STK38L: variants seen among roughly 807,000 people sequenced by gnomAD.
STK38L encodes serine/threonine kinase 38 like.
STK38L carries 28 observed loss-of-function variants against 59.7 expected under a neutral mutation model. That is an observed-to-expected ratio of 0.47 (90% confidence interval 0.35 to 0.64). The LOEUF (loss-of-function observed/expected upper bound fraction) is 0.64. Ranked by LOEUF, STK38L falls within the 30% of genes least tolerant of loss-of-function variation. The pLI, the probability that STK38L is intolerant of heterozygous loss-of-function variation, is 0.01. For missense variants in STK38L, 314 were observed against 555.8 expected, an observed-to-expected ratio of 0.56 and a Z score of 4.37; for synonymous variants, 162 against 176.8, an observed-to-expected ratio of 0.92 and a Z score of 0.66.
At chr12:27,277,362 C>CAA (rs1242882541) in intron 1 of STK38L, among the ~76,000 whole-genome samples, 4 of 148,750 alleles carry the variant, frequency 2.7e-5, no homozygotes, top group African/African-American at 9.9e-5. Context: ...AAAACACACA[C>CAA]ACACACAGCA....
At chr12:27,297,335 A>T (rs1352482861) in intron 1 of STK38L, among the ~76,000 whole-genome samples, 1 of 152,260 alleles carries the variant, frequency 6.6e-6, no homozygotes, top group Non-Finnish European at 1.5e-5. Flanking sequence ...TTTATCAGGG[A>T]CATAGCTATT....
At chr12:27,261,606 C>G (rs1943205757) in intron 1 of STK38L, among the ~76,000 whole-genome samples, 1 of 152,162 alleles carries the variant, frequency 6.6e-6, no homozygotes, top group African/African-American at 2.4e-5. Context: ...AATATCTGAA[C>G]TTTTTGTATC....
At chr12:27,250,434 C>T (rs938882534) in intron 1 of STK38L, among the ~76,000 whole-genome samples, 4 of 152,158 alleles carry the variant, frequency 2.6e-5, no homozygotes, top group African/African-American at 7.2e-5. Context: ...CCCTGAACAT[C>T]ATCTTTCCCT....
rs1248786013 is a variant in STK38L, at chr12:27,314,599, C to T, written c.613C>T (p.His205Tyr). Residue 205 changes from histidine to tyrosine, a missense_variant, in exon 7 of 14, where the codon CAC becomes TAC. This residue lies in a region of STK38L where 192 missense variants were observed against 316.9 expected (regional missense o/e 0.61). Transcript: ENST00000389032. The stretch of plus-strand genomic sequence containing the variant: ...GACTGTTCTGGCAATAGATGCGATC[C>T]ACCAGTTGGGTTTCATCCATCGGGA... Reference protein sequence around the residue: ...SETVLAIDAIHQLGFIHRDIK... With the variant: ...SETVLAIDAIYQLGFIHRDIK... 1 of 1,609,308 alleles carries T rather than the reference C, an allele frequency of 6.2e-7. No individual in the cohort carries two copies. Among genetic ancestry groups the T allele is most frequent in the African/African-American group, 1.3e-5 (1 of 74,538 alleles).
chr12:27,309,264 T>C (rs1839895495), intron 5 of STK38L, 67 bp downstream of exon 5: 1 of 1,205,520 alleles, frequency 8.3e-7, no homozygotes, highest in Non-Finnish European at 1.1e-6. Context: ...AGTGTTTATA[T>C]TAGAATTTTT....
intron 1 of STK38L, among the ~76,000 whole-genome samples, chr12:27,263,347 A>G (rs1211643218): frequency 6.6e-6 from 1 of 152,152 alleles, no homozygotes; most frequent in Non-Finnish European, 1.5e-5. Context: ...ATGAACAAGC[A>G]GGTCTTTTAT....
chr12:27,298,150 G>A, intron 2 of STK38L: 1 of 225,838 alleles, frequency 4.4e-6, no homozygotes, highest in East Asian at 1.0e-4. Flanking sequence ...TTAAAGGGAT[G>A]CCTGGCTTGG....
rs531498986 is a variant in STK38L at position 27,271,558 on chromosome 12, T to C, written c.-11-26152T>C. ...TTGGGGGGTAGTTAGTAGAGAATGG[T>C]TTTAAATATTCCACAGAGGACTCCG... is the stretch of plus-strand genomic sequence containing the variant. On this transcript the variant is annotated intron_variant, in intron 1 of 13. Coordinates refer to ENST00000389032, the MANE Select transcript of STK38L (RefSeq NM_015000.4). 2.0e-5 allele frequency among the ~76,000 whole-genome samples: 3 copies of C among 152,272 alleles called. No individual in the cohort carries two copies. In the South Asian group the frequency reaches 6.2e-4, roughly 32 times the overall value.
At chr12:27,258,549 G>T (rs1377130191) in intron 1 of STK38L, among the ~76,000 whole-genome samples, 2 of 152,166 alleles carry the variant, frequency 1.3e-5, no homozygotes, top group Admixed American at 6.5e-5. Context: ...GGCTGGTCTC[G>T]AACTCCTGAC....
At chr12:27,259,578 C>G (rs1381200889) in intron 1 of STK38L, among the ~76,000 whole-genome samples, 3 of 152,172 alleles carry the variant, frequency 2.0e-5, no homozygotes, top group Non-Finnish European at 4.4e-5. Context: ...TCTTTGTAAA[C>G]TGTGAGGGGG....
chr12:27,307,899 A>C (rs1185860903), intron 3 of STK38L, among the ~76,000 whole-genome samples: 2 of 152,310 alleles, frequency 1.3e-5, no homozygotes, highest in African/African-American at 4.8e-5. Context: ...ATCTCTTTGG[A>C]AACACTACCA....
At chr12:27,293,940 C>T (rs1338803002) in intron 1 of STK38L, among the ~76,000 whole-genome samples, 1 of 152,134 alleles carries the variant, frequency 6.6e-6, no homozygotes, top group Non-Finnish European at 1.5e-5. Flanking sequence ...TACAGATCTT[C>T]TGGACATTTT....
intron 1 of STK38L, among the ~76,000 whole-genome samples, chr12:27,270,010 C>A (rs11048955): frequency 0.38 from 58,156 of 151,954 alleles, 11,350 homozygotes; most frequent in Admixed American, 0.46. Context: ...AAAATTAACT[C>A]ATTTAATCCC....
Position 27,297,775 on chromosome 12 carries a change from G to A in STK38L, c.55G>A (p.Glu19Lys), listed in dbSNP as rs1944061298. 1 of 1,613,934 alleles carries A rather than the reference G, an allele frequency of 6.2e-7. No homozygotes were observed. The highest frequency in any genetic ancestry group is 8.5e-7 in the Non-Finnish European group (1 of 1,179,972). ...CTTTCCTATGAGCAACCATACCCGG[G>A]AAAGAGTGACTGTAGCCAAGCTCAC... ...TTFPMSNHTR[E>K]RVTVAKLTLE... The change falls in exon 2 of 14, where the codon GAA (glutamate) becomes AAA (lysine). Residue 19 changes from glutamate to lysine, a missense_variant. Glu to Lys is a moderately conservative substitution (Grantham distance 56, BLOSUM62 1). This residue lies in a region of STK38L where 192 missense variants were observed against 316.9 expected (regional missense o/e 0.61). Transcript: ENST00000389032.
rs190898078 is a variant in STK38L, at chr12:27,288,094, C to T, written c.-11-9616C>T. 3.9e-4 allele frequency among the ~76,000 whole-genome samples: 60 copies of T among 152,250 alleles called. No individual in the cohort carries two copies. The East Asian group carries it at 0.011, about 28-fold the overall frequency. On this transcript the variant is annotated intron_variant, in intron 1 of 13. Transcript: ENST00000389032. ...ATGAGTTTTCGTCATGTTGGCCAGG[C>T]TGGTATCGAACTCCTGACCTCAAGT... is the stretch of plus-strand genomic sequence containing the variant.
rs1339305016 is a variant in STK38L, at chr12:27,281,331, C to T, written c.-11-16379C>T. On this transcript the variant is annotated intron_variant, in intron 1 of 13. Transcript: ENST00000389032. ...CGATCTCCTGACCTCGTGATCCGCCCGCCTCGGCCTCCCAAAGTGCTGGGA... is the reference window on the plus strand; with the variant it reads ...CGATCTCCTGACCTCGTGATCCGCCTGCCTCGGCCTCCCAAAGTGCTGGGA... 8.1e-4 allele frequency among the ~76,000 whole-genome samples: 3 copies of T among 3,724 alleles called. 1 individual carries two copies. Among genetic ancestry groups the T allele is most frequent in the Admixed American group, 4.0e-3 (3 of 754 alleles). 2.4% of individuals were successfully genotyped at this position (3,724 alleles called of 152,430 possible).
intron 5 of STK38L, among the ~76,000 whole-genome samples, chr12:27,310,373 G>A (rs936946302): frequency 2.6e-5 from 4 of 152,144 alleles, no homozygotes; most frequent in Non-Finnish European, 4.4e-5. Context: ...GGGTAAAGAT[G>A]CATAGCCTCA....
At chr12:27,247,747 T>A (rs1942885248) in intron 1 of STK38L, among the ~76,000 whole-genome samples, 1 of 152,028 alleles carries the variant, frequency 6.6e-6, no homozygotes, top group Non-Finnish European at 1.5e-5. Context: ...TGGGCTCAGA[T>A]GATCTTCTTG....
chr12:27,258,367 C>G (rs937352784), intron 1 of STK38L, among the ~76,000 whole-genome samples: 1 of 152,088 alleles, frequency 6.6e-6, no homozygotes, highest in Non-Finnish European at 1.5e-5. Context: ...CTTTGTCACC[C>G]AGGCTAGAGT....
Sources: allele counts gnomAD v4.1 joint callset (sites outside exome capture counted in the v4.1 genomes callset), GRCh38; gene constraint gnomAD v4.1.1; regional missense constraint gnomAD v4.1.1; transcripts MANE v1.5; gene names NCBI Gene and HGNC (gene_info 2026-07-23, HGNC 2026-07-21).